RFX4: variants seen among roughly 807,000 people sequenced by gnomAD.
RFX4 encodes the protein regulatory factor X4, also known as transcription factor RFX4.
A neutral mutation model predicts 95.0 loss-of-function variants in RFX4; 10 were observed. The ratio of observed to expected loss-of-function variants is 0.11; its 90% CI spans 0.06 to 0.18. The LOEUF (loss-of-function observed/expected upper bound fraction) is 0.18. RFX4 is among the 10% of genes least tolerant of loss of function. The pLI is 1.00. For synonymous variants in RFX4, 321 were observed against 340.7 expected (o/e 0.94, Z 0.64); for missense variants, 640 against 922.0 (o/e 0.69, Z 3.96).
At chr12:106,627,461 G>A (rs957792247) in intron 2 of RFX4, among the ~76,000 whole-genome samples, 3 of 152,144 alleles carry the variant, frequency 2.0e-5, no homozygotes, top group African/African-American at 7.2e-5. Context: ...CGTGAACCTG[G>A]GAGGTGAAGA....
At chr12:106,669,756 G>A (rs2041244739) in intron 4 of RFX4, among the ~76,000 whole-genome samples, 1 of 151,274 alleles carries the variant, frequency 6.6e-6, no homozygotes, top group Admixed American at 6.6e-5. Flanking sequence ...TTTAATTCTT[G>A]TATATATTTT....
rs144044439 is a variant in RFX4 at position 106,592,870 on chromosome 12, T to C, written c.43+9507T>C. Among the ~76,000 whole-genome samples, 258 of 152,344 alleles carry C rather than the reference T, an allele frequency of 1.7e-3. 2 individuals carry two copies. The East Asian group carries it at 0.021, about 12-fold the overall frequency. ...TTTGTCTTTACACTTTGATGTTTAC[T>C]AACACTGCAGTTTTTGAGTTCTTGA... On this transcript the variant is annotated intron_variant, in intron 1 of 17. Coordinates refer to ENST00000392842, the MANE Select transcript of RFX4 (RefSeq NM_213594.3).
intron 1 of RFX4, among the ~76,000 whole-genome samples, chr12:106,598,434 G>A (rs549210641): frequency 5.9e-5 from 9 of 152,036 alleles, no homozygotes; most frequent in Non-Finnish European, 8.8e-5. Context: ...GTTCTCTTAC[G>A]TGCACTTATA....
intron 13 of RFX4, among the ~76,000 whole-genome samples, chr12:106,727,783 C>A (rs1423004738): frequency 2.0e-5 from 3 of 152,112 alleles, no homozygotes; most frequent in Non-Finnish European, 4.4e-5. Flanking sequence ...CCACACCTGG[C>A]TAATTTTTTG....
At chr12:106,759,642 G>A (rs1398052117) in intron 17 of RFX4, among the ~76,000 whole-genome samples, 1 of 152,020 alleles carries the variant, frequency 6.6e-6, no homozygotes, top group Non-Finnish European at 1.5e-5. Flanking sequence ...AGAGCACAGG[G>A]GTATGCGCCA....
intron 10 of RFX4, among the ~76,000 whole-genome samples, chr12:106,714,325 C>A (rs905493679): frequency 2.0e-5 from 3 of 152,126 alleles, no homozygotes; most frequent in Non-Finnish European, 4.4e-5. Context: ...ATGTTTGAAT[C>A]CAGGACACCT....
intron 2 of RFX4, among the ~76,000 whole-genome samples, chr12:106,636,136 T>C (rs1011169372): frequency 6.6e-6 from 1 of 152,166 alleles, no homozygotes; most frequent in Non-Finnish European, 1.5e-5. Context: ...GGGATGGATG[T>C]ATACAGAAAT....
intron 1 of RFX4, among the ~76,000 whole-genome samples, chr12:106,597,587 G>A (rs562138818): frequency 7.9e-5 from 12 of 152,322 alleles, no homozygotes; most frequent in Admixed American, 5.9e-4. Context: ...ATGAAGAACC[G>A]AAGGCTCAAG....
At chr12:106,622,973 T>C (rs1444322740) in intron 2 of RFX4, among the ~76,000 whole-genome samples, 1 of 151,618 alleles carries the variant, frequency 6.6e-6, no homozygotes, top group East Asian at 1.9e-4. Flanking sequence ...CAAAGTCACA[T>C]AGCTGGTAAG....
chr12:106,733,372 A>G (rs2042650144), intron 15 of RFX4: 2 of 285,142 alleles, frequency 7.0e-6, no homozygotes, highest in East Asian at 6.8e-5. Flanking sequence ...ACAATCTCCA[A>G]AAGATAATGC....
chr12:106,665,735 A>G (rs1222623459), intron 4 of RFX4, among the ~76,000 whole-genome samples: 1 of 151,940 alleles, frequency 6.6e-6, no homozygotes. Context: ...CCCACTTTTA[A>G]ATAATGCTAT....
chr12:106,744,064 C>T (rs2042852174), intron 15 of RFX4, among the ~76,000 whole-genome samples: 1 of 152,134 alleles, frequency 6.6e-6, no homozygotes, highest in Admixed American at 6.5e-5. Flanking sequence ...AATGATAACC[C>T]ATTTTAATAA....
At chr12:106,645,890 G>A (rs1235361942) in intron 3 of RFX4, 1 of 1,289,000 alleles carries the variant, frequency 7.8e-7, no homozygotes, top group Admixed American at 2.3e-5. Flanking sequence ...AATGCCACTA[G>A]ATGTGACTGT....
At chr12:106,639,550 C>G (rs1327628987) in intron 3 of RFX4, among the ~76,000 whole-genome samples, 158 bp downstream of exon 3, 1 of 152,196 alleles carries the variant, frequency 6.6e-6, no homozygotes, top group Non-Finnish European at 1.5e-5. Context: ...AAATGCTCAA[C>G]TAGCCTTAGA....
chr12:106,599,353 G>A (rs1232262642), intron 1 of RFX4, among the ~76,000 whole-genome samples: 1 of 152,082 alleles, frequency 6.6e-6, no homozygotes, highest in East Asian at 1.9e-4. Flanking sequence ...TTCACAATGA[G>A]ACTTTAATGT....
chr12:106,625,356 C>T (rs1052656671), intron 2 of RFX4, among the ~76,000 whole-genome samples: 2 of 152,086 alleles, frequency 1.3e-5, no homozygotes, highest in Admixed American at 6.5e-5. Flanking sequence ...GAAAGAAAAC[C>T]CTGGACCAGT....
intron 4 of RFX4, among the ~76,000 whole-genome samples, chr12:106,671,640 G>A (rs1376483380): frequency 6.6e-6 from 1 of 151,990 alleles, no homozygotes; most frequent in Non-Finnish European, 1.5e-5. Flanking sequence ...CTCTTCCAGT[G>A]TTGTTTTCCT....
chr12:106,596,404 C>T (rs1269379359), intron 1 of RFX4, among the ~76,000 whole-genome samples: 1 of 152,220 alleles, frequency 6.6e-6, no homozygotes, highest in Admixed American at 6.5e-5. Context: ...TCCAATCAAA[C>T]CTCTTTCTTT....
intron 13 of RFX4, among the ~76,000 whole-genome samples, chr12:106,728,440 T>A (rs2042546716): frequency 6.6e-6 from 1 of 152,128 alleles, no homozygotes; most frequent in South Asian, 2.1e-4. Flanking sequence ...GAGTCTCTAT[T>A]GTGTGCCTGG....
Sources: allele counts gnomAD v4.1 joint callset (sites outside exome capture counted in the v4.1 genomes callset), GRCh38; gene constraint gnomAD v4.1.1; transcripts MANE v1.5; gene names NCBI Gene and HGNC (gene_info 2026-07-23, HGNC 2026-07-21).